BNC2: variants seen among roughly 807,000 people sequenced by gnomAD.
BNC2 encodes the protein zinc finger protein basonuclin-2.
In BNC2, 20 loss-of-function variants were observed where a neutral mutation model predicts 76.3. The ratio of observed to expected loss-of-function variants is 0.26; its 90% confidence interval spans 0.18 to 0.38. The LOEUF is 0.38. BNC2 is among the 10% of genes least tolerant of loss of function. The pLI, the probability that BNC2 is intolerant of heterozygous loss-of-function variation, is 1.00. For synonymous variants in BNC2, 582 were observed against 514.8 expected, an observed-to-expected ratio of 1.13 and a Z score of -1.77; for missense variants, 1,382 against 1,399.8, an observed-to-expected ratio of 0.99 and a Z score of 0.20.
intron 1 of BNC2, among the ~76,000 whole-genome samples, chr9:16,863,338 C>G (rs1819460554): frequency 6.6e-6 from 1 of 152,202 alleles, no homozygotes; most frequent in Non-Finnish European, 1.5e-5. Context: ...ATAACTCTCT[C>G]TCCCTAAAAC....
chr9:16,769,291 T>G (rs1258261339), intron 1 of BNC2, among the ~76,000 whole-genome samples: 1 of 152,186 alleles, frequency 6.6e-6, no homozygotes, highest in East Asian at 1.9e-4. Flanking sequence ...ACTGCTGTAC[T>G]GGAAGTTCTA....
chr9:16,501,000 C>A (rs1822505407), intron 5 of BNC2, among the ~76,000 whole-genome samples: 1 of 152,142 alleles, frequency 6.6e-6, no homozygotes, highest in African/African-American at 2.4e-5. Context: ...CAGAGCTAGA[C>A]TGTGTGAGTT....
intron 3 of BNC2, among the ~76,000 whole-genome samples, chr9:16,714,838 T>A (rs1823951511): frequency 2.0e-5 from 3 of 152,228 alleles, no homozygotes; most frequent in Admixed American, 6.5e-5. Flanking sequence ...AAAATGCTGA[T>A]AACTGATTTG....
chr9:16,434,307 G>T (rs1820960150), intron 6 of BNC2, among the ~76,000 whole-genome samples: 1 of 152,124 alleles, frequency 6.6e-6, no homozygotes, highest in Non-Finnish European at 1.5e-5. Flanking sequence ...CCAGGGACAG[G>T]ACACTACTTT....
intron 1 of BNC2, among the ~76,000 whole-genome samples, chr9:16,760,849 A>G (rs1825532954): frequency 6.6e-6 from 1 of 152,306 alleles, no homozygotes; most frequent in South Asian, 2.1e-4. Flanking sequence ...GAAACAGGGG[A>G]AAAAATAATG....
intron 6 of BNC2, chr9:16,430,011 C>T (rs753920082): frequency 2.0e-6 from 1 of 509,144 alleles, no homozygotes; most frequent in Admixed American, 2.0e-5. Context: ...TAAAAAGAAC[C>T]CCAGGGACAG....
intron 3 of BNC2, among the ~76,000 whole-genome samples, chr9:16,595,244 C>G (rs1820034204): frequency 6.6e-6 from 1 of 152,104 alleles, no homozygotes; most frequent in African/African-American, 2.4e-5. Context: ...TTAATACCTT[C>G]TATTGTACAT....
intron 3 of BNC2, among the ~76,000 whole-genome samples, chr9:16,622,032 A>G (rs1458349921): frequency 1.3e-5 from 2 of 152,124 alleles, no homozygotes; most frequent in Non-Finnish European, 2.9e-5. Flanking sequence ...TCTGGACACT[A>G]GGATTCTTGT....
At chr9:16,505,720 A>G (rs2131840001) in intron 5 of BNC2, among the ~76,000 whole-genome samples, 1 of 152,280 alleles carries the variant, frequency 6.6e-6, no homozygotes, top group East Asian at 1.9e-4. Context: ...AAAATCATAT[A>G]TAGTTCCCTC....
chr9:16,742,650 C>T (rs16934956), intron 1 of BNC2, among the ~76,000 whole-genome samples: 7,700 of 152,196 alleles, frequency 0.051, 654 homozygotes, highest in African/African-American at 0.18. Context: ...ATACTGTGGG[C>T]CAAAATGAGA....
intron 5 of BNC2, among the ~76,000 whole-genome samples, chr9:16,511,534 C>A (rs1822756436): frequency 6.8e-6 from 1 of 147,712 alleles, no homozygotes; most frequent in South Asian, 2.2e-4. Flanking sequence ...CTCAAGTGAT[C>A]CTCCTACCTC....
chr9:16,864,954 C>G (rs937368074), intron 1 of BNC2, among the ~76,000 whole-genome samples: 5 of 150,008 alleles, frequency 3.3e-5, no homozygotes, highest in Admixed American at 2.7e-4. Context: ...GAAAGGACAG[C>G]ACATCGTCGA....
At chr9:16,550,554 T>G (rs990510784) in intron 5 of BNC2, among the ~76,000 whole-genome samples, 3 of 152,236 alleles carry the variant, frequency 2.0e-5, no homozygotes, top group African/African-American at 7.2e-5. Flanking sequence ...TCAGGCTTTA[T>G]GTTTACTCCT....
intron 1 of BNC2, among the ~76,000 whole-genome samples, chr9:16,832,966 C>T (rs929300182): frequency 6.6e-6 from 1 of 152,004 alleles, no homozygotes; most frequent in African/African-American, 2.4e-5. Flanking sequence ...CCTGGTGATC[C>T]GCCTGCCTTG....
intron 3 of BNC2, among the ~76,000 whole-genome samples, chr9:16,649,635 T>C (rs1587273215): frequency 6.6e-6 from 1 of 152,190 alleles, no homozygotes; most frequent in East Asian, 1.9e-4. Context: ...TACAGGCCTC[T>C]GTTTCTTTTA....
intron 3 of BNC2, among the ~76,000 whole-genome samples, chr9:16,609,007 G>A (rs1419224608): frequency 6.6e-6 from 1 of 152,112 alleles, no homozygotes; most frequent in Non-Finnish European, 1.5e-5. Context: ...AGGGATCTTG[G>A]GATTTTTCTG....
chr9:16,434,450 CCAT>C (rs1820962600), intron 6 of BNC2, among the ~76,000 whole-genome samples: 1 of 152,092 alleles, frequency 6.6e-6, no homozygotes, highest in South Asian at 2.1e-4. Context: ...TTGATTTCCA[CCAT>C]GTTATAAAAT....
intron 1 of BNC2, among the ~76,000 whole-genome samples, chr9:16,751,897 C>T (rs5016915): frequency 0.86 from 130,269 of 151,448 alleles, 56,423 homozygotes; most frequent in Non-Finnish European, 0.91. Context: ...GGCATGGTGG[C>T]GGGCGCCTGT....
chr9:16,726,588 G>C (rs1443548553), intron 3 of BNC2, among the ~76,000 whole-genome samples: 1 of 144,204 alleles, frequency 6.9e-6, no homozygotes, highest in South Asian at 2.2e-4. Context: ...AGCAGTTGCA[G>C]TATTTTTTTC....
Sources: gnomAD v4.1 joint callset for allele counts (sites outside exome capture counted in the v4.1 genomes callset) on GRCh38, gnomAD v4.1.1 for gene constraint, MANE v1.5 for transcripts, NCBI Gene and HGNC (gene_info 2026-07-23, HGNC 2026-07-21) for gene names.